The following TRAF3IP1 variants were observed in gnomAD, a reference collection of about 807,000 sequenced individuals.
The protein encoded by TRAF3IP1 is intraflagellar transport 54, also known as TRAF3-interacting protein 1.
A neutral mutation model predicts 89.9 loss-of-function variants in TRAF3IP1; 53 were observed. The ratio of observed to expected loss-of-function variants is 0.59; its 90% CI spans 0.47 to 0.74. The LOEUF (loss-of-function observed/expected upper bound fraction) is 0.74. Ranked by LOEUF, TRAF3IP1 falls within the 30% of genes least tolerant of loss-of-function variation. The probability of loss-of-function intolerance (pLI) is 0.00; values close to 1 mark genes in which losing one functional copy is unlikely to be tolerated. For missense variants in TRAF3IP1, 806 were observed against 866.1 expected (o/e 0.93, Z 0.87); for synonymous variants, 311 against 322.1 (o/e 0.97, Z 0.37).
At chr2:238,321,497 C>T (rs2106353333) in intron 1 of TRAF3IP1, among the ~76,000 whole-genome samples, 1 of 152,326 alleles carries the variant, frequency 6.6e-6, no homozygotes, top group East Asian at 1.9e-4. Flanking sequence ...CAGAGCTGCA[C>T]AGCCTGCCCT....
chr2:238,352,154 A>G (rs1025964058), intron 12 of TRAF3IP1, among the ~76,000 whole-genome samples: 4 of 151,890 alleles, frequency 2.6e-5, no homozygotes, highest in Non-Finnish European at 5.9e-5. Context: ...GGCCCTGGAG[A>G]GCATGAGAGA....
chr2:238,344,500 C>A lies in TRAF3IP1; in HGVS notation c.1163C>A (p.Thr388Lys). 1.2e-6 allele frequency: 2 copies of A among 1,613,554 alleles called. No homozygotes were observed. Among genetic ancestry groups the A allele is most frequent in the Non-Finnish European group, 1.7e-6 (2 of 1,179,494 alleles). ...ATTTTAAACTGTTTTATGTCAGGAA[C>A]AAAAGAAGCTAATATTAACTCAACT... The part of the protein sequence containing the change: ...NQETTTSEIG[T>K]KEANINSTSI... The change falls in exon 9 of 17, where the codon ACA becomes AAA. Residue 388 changes from threonine to lysine, a missense_variant. By Grantham distance (78) the Thr-to-Lys change is moderately conservative (BLOSUM62 -1). Around this residue, in one of 3 missense-constraint regions of TRAF3IP1, gnomAD observed 732 missense variants for 780.5 expected, o/e 0.94. Transcript: ENST00000373327.
rs1480959607 is a variant in TRAF3IP1 at position 238,398,761 on chromosome 2, G to A, written c.1918G>A (p.Asp640Asn). 3.1e-6 allele frequency: 5 copies of A among 1,596,854 alleles called. No individual in the cohort carries two copies. In the African/African-American group the frequency reaches 4.1e-5, roughly 13 times the overall value. Residue 640 changes from aspartate (D) to asparagine (N), a missense_variant, in exon 17 of 17, where the codon GAC becomes AAC. Transcript: ENST00000373327. ...GGTTTTGTTCTCCCTCAGGATCACA[G>A]ACTGTGCCGTGGAGCCCTTAAAGGC... is the stretch of plus-strand genomic sequence containing the variant. ...EALQQEQRIT[D>N]CAVEPLKAEL... is the part of the protein sequence containing the mutation.
intron 3 of TRAF3IP1, 29 bp downstream of exon 3, chr2:238,325,999 T>A: frequency 1.3e-6 from 2 of 1,598,154 alleles, no homozygotes; most frequent in Non-Finnish European, 1.7e-6. Flanking sequence ...CATTTTGAAC[T>A]TACTTAGTAC....
intron 14 of TRAF3IP1, among the ~76,000 whole-genome samples, chr2:238,354,164 G>A (rs1293380718): frequency 6.6e-6 from 1 of 152,168 alleles, no homozygotes; most frequent in African/African-American, 2.4e-5. Flanking sequence ...TATTTGACCA[G>A]GGGAGCCTAT....
At chr2:238,357,587 G>A (rs530934466) in intron 15 of TRAF3IP1, among the ~76,000 whole-genome samples, 5 of 152,304 alleles carry the variant, frequency 3.3e-5, no homozygotes, top group South Asian at 4.1e-4. Flanking sequence ...GAATGTTGTC[G>A]GCGGAGGCTT....
At chr2:238,384,539 ATTT>A (rs35203636) in intron 15 of TRAF3IP1, among the ~76,000 whole-genome samples, 39 of 119,890 alleles carry the variant, frequency 3.3e-4, no homozygotes, top group African/African-American at 7.0e-4. Context: ...CGCCTGGCTA[ATTT>A]TTTTTTTTTT....
At chr2:238,352,699 T>G in intron 12 of TRAF3IP1, 128 bp from the exon 13 acceptor site, 933 of 891,112 alleles carry the variant, frequency 1.0e-3, no homozygotes, top group Non-Finnish European at 1.4e-3. Context: ...GCGGGTAGCT[T>G]GAGATGCTGT....
intron 3 of TRAF3IP1, among the ~76,000 whole-genome samples, chr2:238,326,240 G>C (rs1156892455): frequency 1.3e-5 from 2 of 152,372 alleles, no homozygotes; most frequent in African/African-American, 2.4e-5. Flanking sequence ...GGCACACTGT[G>C]CCTGGCTGGA....
chr2:238,347,527 G>A (rs2106390738), intron 10 of TRAF3IP1, 52 bp downstream of exon 10: 1 of 1,564,354 alleles, frequency 6.4e-7, no homozygotes, highest in Non-Finnish European at 8.8e-7. Context: ...ATGCATGTGT[G>A]TGAATGTGAA....
Position 238,320,699 on chromosome 2 carries a change from C to T in TRAF3IP1, c.37C>T (p.Leu13=). The change falls in exon 1 of 17, where the codon CTG becomes TTG. Residue 13 remains leucine (L), a synonymous_variant. Transcript: ENST00000373327. The part of the protein sequence containing the change: ...AAVVRRTQEA[L]GKVIRRPPLT... ...GGTGGTGAGGCGGACGCAGGAGGCGCTGGGGAAAGTGATTCGGAGGCCGCC... is the reference window on the plus strand; with the variant it reads ...GGTGGTGAGGCGGACGCAGGAGGCGTTGGGGAAAGTGATTCGGAGGCCGCC... 7.0e-7 allele frequency: 1 copy of T among 1,433,140 alleles called. No homozygotes were observed. Among genetic ancestry groups the T allele is most frequent in the South Asian group, 1.3e-5 (1 of 74,518 alleles). The allele number at this position is 1,433,140 out of a possible 1,614,324, so 88.8% of individuals were successfully genotyped here. A position where few individuals can be genotyped will look rare whatever the true frequency, so the allele number is the denominator to read the frequency against.
chr2:238,385,484 C>G (rs758211934), intron 15 of TRAF3IP1, among the ~76,000 whole-genome samples: 1 of 152,196 alleles, frequency 6.6e-6, no homozygotes, highest in Admixed American at 6.5e-5. Flanking sequence ...TAGAAAACTA[C>G]TTCTTTTTCA....
chr2:238,398,953 C>T lies in TRAF3IP1; in HGVS notation c.*34C>T, dbSNP rs376279462. 1.2e-5 allele frequency: 19 copies of T among 1,559,874 alleles called. No individual in the cohort carries two copies. The African/African-American group carries it at 1.7e-4, about 14-fold the overall frequency. ...AAGTTTCAGAGATGAAAAGTCACCT[C>T]AGTTTAAAAGCAAAAAGGAAGATAG... On this transcript the variant is annotated 3_prime_UTR_variant, in exon 17 of 17. Coordinates refer to ENST00000373327, the MANE Select transcript of TRAF3IP1 (RefSeq NM_015650.4).
In TRAF3IP1 at chr2:238,345,518, C is replaced by T. The variant is rs1305993202; in HGVS notation, c.1261+920C>T. Among the ~76,000 whole-genome samples the T allele has an allele frequency of 6.6e-6, 1 of 152,224 alleles. No individual in the cohort carries two copies. Among genetic ancestry groups the T allele is most frequent in the African/African-American group, 2.4e-5 (1 of 41,440 alleles). ...CCTGTGCCAGCTTATGGAGTTTAGCCTTTATTGGAAGAGCAGCGGGAGGCT... is the reference window on the plus strand; with the variant it reads ...CCTGTGCCAGCTTATGGAGTTTAGCTTTTATTGGAAGAGCAGCGGGAGGCT... On this transcript the variant is annotated intron_variant, in intron 9 of 16. Transcript: ENST00000373327. This position sits in a 1 kb window ranked among gnomAD's most constrained non-coding sequence, Gnocchi z 4.7.
At chr2:238,383,996 T>G (rs1559392111) in intron 15 of TRAF3IP1, among the ~76,000 whole-genome samples, 1 of 152,208 alleles carries the variant, frequency 6.6e-6, no homozygotes, top group African/African-American at 2.4e-5. Flanking sequence ...TCTTTGGGGT[T>G]GACTATTTGT....
intron 8 of TRAF3IP1, among the ~76,000 whole-genome samples, chr2:238,338,766 T>C (rs1017789850): frequency 1.3e-5 from 2 of 152,240 alleles, no homozygotes; most frequent in Non-Finnish European, 2.9e-5. Context: ...GCTGATGACA[T>C]AGAGAAACGG....
chr2:238,356,737 G>GCTGC (rs994227950), intron 15 of TRAF3IP1, among the ~76,000 whole-genome samples: 1 of 151,842 alleles, frequency 6.6e-6, no homozygotes, highest in Non-Finnish European at 1.5e-5. Flanking sequence ...TGGGAGGCTG[G>GCTGC]CTGCCTGATC....
intron 15 of TRAF3IP1, among the ~76,000 whole-genome samples, chr2:238,396,525 A>G (rs571520824): frequency 1.9e-3 from 291 of 151,954 alleles, no homozygotes; most frequent in African/African-American, 6.8e-3. Context: ...AACTTAAAGT[A>G]TAATAATAAT....
intron 8 of TRAF3IP1, among the ~76,000 whole-genome samples, chr2:238,342,304 T>G (rs1698699121): frequency 6.6e-6 from 1 of 152,214 alleles, no homozygotes; most frequent in Non-Finnish European, 1.5e-5. Flanking sequence ...TTTCATTTTA[T>G]AAGTGCATTA....
Sources: allele counts gnomAD v4.1 joint callset (sites outside exome capture counted in the v4.1 genomes callset), GRCh38; gene constraint gnomAD v4.1.1; regional missense constraint gnomAD v4.1.1; non-coding constraint Gnocchi (gnomAD v3.1); transcripts MANE v1.5; gene names NCBI Gene and HGNC (gene_info 2026-07-23, HGNC 2026-07-21).